The following RAB28 variants were observed in gnomAD, a reference collection of about 807,000 sequenced individuals.
The protein encoded by RAB28 is RAB28, member RAS oncogene family.
Under a neutral mutation model 31.7 loss-of-function variants are expected in RAB28, and 24 were observed. That is an observed-to-expected ratio of 0.76 (90% confidence interval 0.55 to 1.06). The LOEUF is 1.06. RAB28 is among the 50% of genes least tolerant of loss of function. RAB28 has a pLI of 0.00. For synonymous variants in RAB28, 100 were observed against 90.4 expected, an observed-to-expected ratio of 1.11 and a Z score of -0.60; for missense variants, 254 against 258.5, an observed-to-expected ratio of 0.98 and a Z score of 0.12.
At chr4:13,465,862 CA>C (rs931060616) in intron 3 of RAB28, among the ~76,000 whole-genome samples, 10 of 151,098 alleles carry the variant, frequency 6.6e-5, no homozygotes, top group African/African-American at 2.4e-4. Context: ...ATGGTACCGG[CA>C]AAAAATAGAC....
At chr4:13,402,282 C>A (rs1711811847) in intron 4 of RAB28, among the ~76,000 whole-genome samples, 1 of 152,264 alleles carries the variant, frequency 6.6e-6, no homozygotes, top group African/African-American at 2.4e-5. Flanking sequence ...CTTCTATATC[C>A]CTACTGATTC....
chr4:13,439,408 G>A (rs931205062), intron 4 of RAB28, among the ~76,000 whole-genome samples: 3 of 152,206 alleles, frequency 2.0e-5, no homozygotes, highest in Admixed American at 6.5e-5. Flanking sequence ...AGGCTGGAGT[G>A]CAGAGGCACA....
intron 4 of RAB28, among the ~76,000 whole-genome samples, chr4:13,433,424 G>C (rs1019152898): frequency 6.6e-6 from 1 of 151,996 alleles, no homozygotes; most frequent in Non-Finnish European, 1.5e-5. Context: ...CAAATACCCA[G>C]AATCTATAGG....
At chr4:13,374,576 T>A (rs973978011) in intron 6 of RAB28, among the ~76,000 whole-genome samples, 3 of 152,086 alleles carry the variant, frequency 2.0e-5, no homozygotes, top group African/African-American at 4.8e-5. Flanking sequence ...AGACAACCAA[T>A]CATTGGGTTT....
chr4:13,376,491 A>T, intron 6 of RAB28, 54 bp downstream of exon 6: 3 of 1,327,528 alleles, frequency 2.3e-6, no homozygotes, highest in Non-Finnish European at 3.2e-6. Flanking sequence ...GGTGAAAATT[A>T]ATGCCTTGTA....
At chr4:13,424,180 C>T (rs1713343014) in intron 4 of RAB28, among the ~76,000 whole-genome samples, 2 of 152,148 alleles carry the variant, frequency 1.3e-5, no homozygotes, top group South Asian at 2.1e-4. Context: ...GACTATATTT[C>T]GTAAAGTTGC....
chr4:13,378,973 G>T (rs1729025340), intron 5 of RAB28, among the ~76,000 whole-genome samples: 1 of 152,106 alleles, frequency 6.6e-6, no homozygotes, highest in African/African-American at 2.4e-5. Context: ...CACTTTGGGA[G>T]ACTGAGGCGG....
chr4:13,381,518 G>A lies in RAB28; in HGVS notation c.468C>T (p.His156=). The change falls in exon 5 of 7, where the codon CAC becomes CAT. Residue 156 remains histidine (H), a synonymous_variant. Transcript: ENST00000330852. ...RFCQENGFSS[H]FVSAKTGDSV... is the part of the protein sequence containing the mutation. Reference sequence around the variant, plus strand: ...AGTCTCCTGTCTTGGCTGAGACAAAGTGGCTACTAAAACCATTTTCCTGGC... The same window carrying A: ...AGTCTCCTGTCTTGGCTGAGACAAAATGGCTACTAAAACCATTTTCCTGGC... 1.2e-6 allele frequency: 2 copies of A among 1,612,700 alleles called. No homozygotes were observed. The highest frequency in any genetic ancestry group is 1.7e-6 in the Non-Finnish European group (2 of 1,178,944).
chr4:13,447,845 A>G (rs751274481), intron 4 of RAB28, among the ~76,000 whole-genome samples: 10 of 152,198 alleles, frequency 6.6e-5, no homozygotes, highest in Non-Finnish European at 8.8e-5. Context: ...CTCTGCAAAA[A>G]CTAAGAAGAC....
At chr4:13,428,312 G>A (rs1241978695) in intron 4 of RAB28, among the ~76,000 whole-genome samples, 1 of 152,070 alleles carries the variant, frequency 6.6e-6, no homozygotes, top group Admixed American at 6.6e-5. Context: ...AACAAAGCAT[G>A]AAAACAAGCC....
intron 4 of RAB28, among the ~76,000 whole-genome samples, chr4:13,395,828 T>C (rs1482378463): frequency 6.6e-6 from 1 of 152,060 alleles, no homozygotes; most frequent in African/African-American, 2.4e-5. Context: ...TAAGAGTATC[T>C]ATATTACACT....
intron 4 of RAB28, among the ~76,000 whole-genome samples, chr4:13,389,167 A>C (rs1729515673): frequency 6.6e-6 from 1 of 152,154 alleles, no homozygotes; most frequent in African/African-American, 2.4e-5. Context: ...AACATGGATG[A>C]ACCTTGAGCG....
chr4:13,447,727 C>G (rs564877690), intron 4 of RAB28, among the ~76,000 whole-genome samples: 19 of 152,072 alleles, frequency 1.2e-4, no homozygotes, highest in African/African-American at 4.3e-4. Flanking sequence ...TTATTAATAG[C>G]TATATTTATT....
At chr4:13,435,009 C>T (rs937721579) in intron 4 of RAB28, among the ~76,000 whole-genome samples, 2 of 132,384 alleles carry the variant, frequency 1.5e-5, no homozygotes, top group South Asian at 2.4e-4. Context: ...CAGAGCAAGA[C>T]TCCGTCTCAA....
chr4:13,451,461 T>C (rs1416299435), intron 4 of RAB28, among the ~76,000 whole-genome samples: 4 of 151,202 alleles, frequency 2.6e-5, no homozygotes, highest in Non-Finnish European at 5.9e-5. Flanking sequence ...CTGCATCCCT[T>C]CTATAATTTG....
At chr4:13,389,198 G>T (rs1729518092) in intron 4 of RAB28, among the ~76,000 whole-genome samples, 1 of 152,122 alleles carries the variant, frequency 6.6e-6, no homozygotes. Flanking sequence ...AGTGAAATAA[G>T]CAAGTCACCA....
chr4:13,382,776 GCAACCTCTGCCTC>G (rs1249191886), intron 4 of RAB28, among the ~76,000 whole-genome samples: 1 of 142,962 alleles, frequency 7.0e-6, no homozygotes, highest in Non-Finnish European at 1.5e-5. Context: ...TCGGCTCACT[GCAACCTCTGCCTC>G]CTGGGTTCAA....
intron 4 of RAB28, among the ~76,000 whole-genome samples, chr4:13,424,939 T>G (rs1324340139): frequency 1.3e-5 from 2 of 152,164 alleles, no homozygotes; most frequent in African/African-American, 4.8e-5. Context: ...GACCCCCACC[T>G]CCACTTCAAT....
chr4:13,398,671 G>C (rs1029045809), intron 4 of RAB28, among the ~76,000 whole-genome samples: 13 of 151,786 alleles, frequency 8.6e-5, no homozygotes, highest in Non-Finnish European at 1.8e-4. Flanking sequence ...CCAGCTACTC[G>C]GGAGGCTGAG....
Sources: allele counts gnomAD v4.1 joint callset (sites outside exome capture counted in the v4.1 genomes callset), GRCh38; gene constraint gnomAD v4.1.1; transcripts MANE v1.5; gene names NCBI Gene and HGNC (gene_info 2026-07-23, HGNC 2026-07-21).